The following MAPKAPK5 variants were observed in gnomAD, a reference collection of about 807,000 sequenced individuals.
The protein encoded by MAPKAPK5 is MAPK activated protein kinase 5.
A neutral mutation model predicts 65.1 loss-of-function variants in MAPKAPK5; 30 were observed. The observed-to-expected ratio is 0.46, with a 90% CI of 0.34 to 0.63. MAPKAPK5 has a LOEUF of 0.63. Among genes scored for constraint, MAPKAPK5 ranks in the 20% least tolerant of loss-of-function variants. MAPKAPK5 has a pLI of 0.01. For synonymous variants in MAPKAPK5, 179 were observed against 204.6 expected, an observed-to-expected ratio of 0.87 and a Z score of 1.07; for missense variants, 433 against 581.4, an observed-to-expected ratio of 0.74 and a Z score of 2.63.
rs2070847116 is a variant in MAPKAPK5, at chr12:111,897,037, CAGG to C, written c.*3979_*3981del. 6.6e-6 allele frequency: 1 copy of C among 152,160 alleles called. No homozygotes were observed. Among genetic ancestry groups the C allele is most frequent in the Non-Finnish European group, 1.5e-5 (1 of 68,084 alleles). The allele number at this position is 152,160 out of a possible 1,614,324, so 9.4% of individuals were successfully genotyped here. ...ATCCCAGCTGCTCGGGAGGCTGAGG[CAGG>C]AGAATTGCTTGAACCTGGGAGGCAG... On this transcript the variant is annotated 3_prime_UTR_variant, in exon 14 of 14. Coordinates refer to ENST00000550735, the MANE Select transcript of MAPKAPK5 (RefSeq NM_003668.4).
intron 4 of MAPKAPK5, 94 bp from the exon 5 acceptor site, chr12:111,868,659 G>A (rs2069684535): frequency 1.1e-6 from 1 of 916,300 alleles, no homozygotes; most frequent in Non-Finnish European, 1.7e-6. Context: ...TGTAGATGCA[G>A]TATCTTTAGG....
chr12:111,881,402 C>CT lies in MAPKAPK5; in HGVS notation c.660+875_660+876insT, dbSNP rs1274226182. ...AGCCCACATATTGATCCTGTCTGTT[C>CT]CTTTTTTTTTTTTTTTTTTTGAGAC... On this transcript the variant is annotated intron_variant, in intron 8 of 13. Coordinates refer to ENST00000550735, the MANE Select transcript of MAPKAPK5 (RefSeq NM_003668.4). Among the ~76,000 whole-genome samples, 6,425 of 116,684 alleles carry CT rather than the reference C, an allele frequency of 0.055. 1,408 individuals carry two copies. In the East Asian group the frequency reaches 0.66, roughly 12 times the overall value. 76.5% of individuals were successfully genotyped at this position (116,684 alleles called of 152,430 possible). A position where few individuals can be genotyped will look rare whatever the true frequency, so the allele number is the denominator to read the frequency against.
At position 111,902,194 on chromosome 12, in the gene MAPKAPK5, A is replaced by C. The variant is rs1162374299; in HGVS notation, c.*9133A>C. On this transcript the variant is annotated 3_prime_UTR_variant, in exon 14 of 14. Coordinates refer to ENST00000550735, the MANE Select transcript of MAPKAPK5 (RefSeq NM_003668.4). ...AAAGGAGAAGTTTTTAAATCCAAAA[A>C]CAAATAAAACCCGATTCATATTAGA... The C allele has an allele frequency of 6.6e-6, 1 of 152,214 alleles. No individual in the cohort carries two copies. The highest frequency in any genetic ancestry group is 2.4e-5 in the African/African-American group (1 of 41,442). 9.4% of individuals were successfully genotyped at this position (152,214 alleles called of 1,614,324 possible). A position where few individuals can be genotyped will look rare whatever the true frequency, so the allele number is the denominator to read the frequency against.
At chr12:111,868,697 TGTTTC>T in intron 4 of MAPKAPK5, 51 bp from the exon 5 acceptor site, 1 of 1,355,874 alleles carries the variant, frequency 7.4e-7, no homozygotes. Flanking sequence ...CAGGGTTTTT[TGTTTC>T]TTTTTCTTTT....
chr12:111,889,580 C>G (rs2070533591), intron 12 of MAPKAPK5: 1 of 167,660 alleles, frequency 6.0e-6, no homozygotes, highest in African/African-American at 2.4e-5. Context: ...AAATGAGATG[C>G]TTCACGTACT....
chr12:111,857,498 C>T (rs2069283585), intron 1 of MAPKAPK5, among the ~76,000 whole-genome samples: 1 of 152,134 alleles, frequency 6.6e-6, no homozygotes, highest in East Asian at 1.9e-4. Context: ...GGTGATCCCT[C>T]CCATCTTGGC....
At chr12:111,865,437 T>A in intron 2 of MAPKAPK5, 114 bp downstream of exon 2, 1 of 725,350 alleles carries the variant, frequency 1.4e-6, no homozygotes, top group African/African-American at 1.8e-5. Context: ...ATTTGAGGAA[T>A]AGGCTGAATT....
rs1474875040 is a variant in MAPKAPK5, at chr12:111,868,714, T to TC, written c.285-39_285-38insC. On this transcript the variant is annotated intron_variant, in intron 4 of 13. Coordinates refer to ENST00000550735, the MANE Select transcript of MAPKAPK5 (RefSeq NM_003668.4). ...GGGTTTTTTGTTTCTTTTTCTTTTT[T>TC]TTTTTTTTAACTTAACAAAATCAAA... is the stretch of plus-strand genomic sequence containing the variant. The TC allele has an allele frequency of 1.4e-5, 20 of 1,454,380 alleles. No individual in the cohort carries two copies. In the East Asian group the frequency reaches 4.7e-4, roughly 34 times the overall value. The allele number at this position is 1,454,380 out of a possible 1,614,324, so 90.1% of individuals were successfully genotyped here.
chr12:111,880,489 A>G lies in MAPKAPK5; in HGVS notation c.622A>G (p.Ile208Val), dbSNP rs2070157902. 7 of 1,613,766 alleles carry G rather than the reference A, an allele frequency of 4.3e-6. No homozygotes were observed. The highest frequency in any genetic ancestry group is 5.9e-6 in the Non-Finnish European group (7 of 1,179,868). ...QRRHQKEKSG[I>V]IPTSPTPYTY... Reference sequence around the variant, plus strand: ...AAGGCATCAGAAGGAGAAATCTGGCATCATACCTACCTCACCGACGCCCTA... The same window carrying G: ...AAGGCATCAGAAGGAGAAATCTGGCGTCATACCTACCTCACCGACGCCCTA... The change falls in exon 8 of 14, where the codon ATC (isoleucine) becomes GTC (valine). Residue 208 changes from isoleucine (I) to valine (V), a missense_variant. Physicochemically the swap from Ile to Val is conservative, Grantham distance 29. This residue lies in a region of MAPKAPK5 where 99 missense variants were observed against 185.8 expected (regional missense o/e 0.53). Coordinates refer to ENST00000550735, the MANE Select transcript of MAPKAPK5 (RefSeq NM_003668.4).
Position 111,869,288 on chromosome 12 carries a change from T to TTTCTGTGATTTC in MAPKAPK5, c.393+431_393+442dup, listed in dbSNP as rs1240109504. ...AGATGCTTCCTGCATGTGAGCCACC[T>TTTCTGTGATTTC]TTCTGTGATTTCTTCAGATTTAATA... On this transcript the variant is annotated intron_variant, in intron 5 of 13. Coordinates refer to ENST00000550735, the MANE Select transcript of MAPKAPK5 (RefSeq NM_003668.4). Among the ~76,000 whole-genome samples the TTTCTGTGATTTC allele has an allele frequency of 5.9e-5, 9 of 152,256 alleles. 1 individual carries two copies. Among genetic ancestry groups the TTTCTGTGATTTC allele is most frequent in the African/African-American group, 2.2e-4 (9 of 41,472 alleles).
chr12:111,888,423 C>G, intron 10 of MAPKAPK5, 65 bp from the exon 11 acceptor site: 1 of 1,590,772 alleles, frequency 6.3e-7, no homozygotes, highest in Non-Finnish European at 8.5e-7. Context: ...TTTCCACTTT[C>G]TTAGACTGGC....
In MAPKAPK5 at chr12:111,844,325, G is replaced by GTTT. The variant is rs1408353494; in HGVS notation, c.36+1556_36+1557insTTT. Among the ~76,000 whole-genome samples, 15 of 151,700 alleles carry GTTT rather than the reference G, an allele frequency of 9.9e-5. 1 individual carries two copies. The highest frequency in any genetic ancestry group is 1.6e-4 in the Non-Finnish European group (11 of 67,946). On this transcript the variant is annotated intron_variant, in intron 1 of 13. Transcript: ENST00000550735. Reference sequence around the variant, plus strand: ...CCTGCCTCAGCCTCCCCAGTAGCTGGGACTACAGGCACGTGCCACCACACC... The same window carrying GTTT: ...CCTGCCTCAGCCTCCCCAGTAGCTGGTTTGACTACAGGCACGTGCCACCACACC...
rs1467738320 is a variant in MAPKAPK5 at position 111,895,222 on chromosome 12, G to A, written c.*2161G>A. 1 of 146,832 alleles carries A rather than the reference G, an allele frequency of 6.8e-6. No individual in the cohort carries two copies. Among genetic ancestry groups the A allele is most frequent in the African/African-American group, 2.5e-5 (1 of 39,670 alleles). The allele number at this position is 146,832 out of a possible 1,614,324, so 9.1% of individuals were successfully genotyped here. A position where few individuals can be genotyped will look rare whatever the true frequency, so the allele number is the denominator to read the frequency against. ...CACCATTCTCCTACCTCAGCCTCCT[G>A]AGTAGCTGGGACTATACAGGTGCCC... On this transcript the variant is annotated 3_prime_UTR_variant, in exon 14 of 14. Transcript: ENST00000550735.
In MAPKAPK5 at chr12:111,900,026, G is replaced by A. The variant is rs1305133334; in HGVS notation, c.*6965G>A. The A allele has an allele frequency of 4.4e-6, 2 of 456,028 alleles. No individual in the cohort carries two copies. Among genetic ancestry groups the A allele is most frequent in the South Asian group, 3.1e-5 (2 of 64,544 alleles). 28.2% of individuals were successfully genotyped at this position (456,028 alleles called of 1,614,324 possible). On this transcript the variant is annotated 3_prime_UTR_variant, in exon 14 of 14. Coordinates refer to ENST00000550735, the MANE Select transcript of MAPKAPK5 (RefSeq NM_003668.4). Reference sequence around the variant, plus strand: ...TGTGGGGCAGTAACGTCAATGAGACGGTCCAGACAGTAGTGGATGTCATTG... The same window carrying A: ...TGTGGGGCAGTAACGTCAATGAGACAGTCCAGACAGTAGTGGATGTCATTG...
In MAPKAPK5 at chr12:111,897,581, A is replaced by AT. The variant is rs1031027957; in HGVS notation, c.*4524dup. 1.6e-4 allele frequency: 25 copies of AT among 152,300 alleles called. No individual in the cohort carries two copies. Among genetic ancestry groups the AT allele is most frequent in the South Asian group, 6.2e-4 (3 of 4,820 alleles). 9.4% of individuals were successfully genotyped at this position (152,300 alleles called of 1,614,324 possible). On this transcript the variant is annotated 3_prime_UTR_variant, in exon 14 of 14. Transcript: ENST00000550735. The stretch of plus-strand genomic sequence containing the variant: ...GGGAAACACCCTAAAATCTGTGATA[A>AT]TTTTCAAAATACAATTTTAAGAAGC...
At chr12:111,851,034 G>A (rs1466522648) in intron 1 of MAPKAPK5, among the ~76,000 whole-genome samples, 2 of 151,606 alleles carry the variant, frequency 1.3e-5, no homozygotes, top group East Asian at 3.9e-4. Flanking sequence ...GAGTAGCTGG[G>A]ATTATAGTTG....
At chr12:111,857,854 T>TAA (rs976236703) in intron 1 of MAPKAPK5, among the ~76,000 whole-genome samples, 2 of 152,112 alleles carry the variant, frequency 1.3e-5, no homozygotes, top group African/African-American at 2.4e-5. Flanking sequence ...CCTTCGTACT[T>TAA]ACATTATTTT....
In MAPKAPK5 at chr12:111,883,694, C is replaced by T. The variant is rs186026729; in HGVS notation, c.774C>T (p.Ile258=). 2 of 1,613,990 alleles carry T rather than the reference C, an allele frequency of 1.2e-6. No individual in the cohort carries two copies. Among genetic ancestry groups the T allele is most frequent in the African/African-American group, 2.7e-5 (2 of 75,042 alleles). The change falls in exon 9 of 14, where the codon ATC becomes ATT. Residue 258 remains isoleucine, a synonymous_variant. Transcript: ENST00000550735. The surrounding 1 kb of genome is among the most constrained non-coding windows in gnomAD (Gnocchi z 4.8). ...TCCCAAAGGATATGCGAAGAAAGAT[C>T]ATGACAGGCAGTTTTGAGTTCCCAG... ...RTIPKDMRRK[I]MTGSFEFPEE... is the part of the protein sequence containing the mutation.
intron 1 of MAPKAPK5, among the ~76,000 whole-genome samples, chr12:111,864,673 A>T (rs1211385520): frequency 1.3e-5 from 2 of 152,244 alleles, no homozygotes; most frequent in Non-Finnish European, 2.9e-5. Flanking sequence ...TATCAGAAAT[A>T]TACTTACATA....
Sources: gnomAD v4.1 joint callset for allele counts (sites outside exome capture counted in the v4.1 genomes callset) on GRCh38, gnomAD v4.1.1 for gene constraint, gnomAD v4.1.1 regional missense constraint, Gnocchi (gnomAD v3.1) non-coding constraint, MANE v1.5 for transcripts, NCBI Gene and HGNC (gene_info 2026-07-23, HGNC 2026-07-21) for gene names.